Variants in VSIG10L2 observed in about 807,000 individuals in gnomAD.
VSIG10L2 encodes V-set and immunoglobulin domain-containing protein 10-like 2.
A neutral mutation model predicts 67.1 loss-of-function variants in VSIG10L2; 56 were observed. The ratio of observed to expected loss-of-function variants is 0.83; its 90% CI spans 0.67 to 1.04. The LOEUF (loss-of-function observed/expected upper bound fraction) is 1.04. Among genes scored for constraint, VSIG10L2 ranks in the 50% least tolerant of loss-of-function variants. The pLI is 0.00. For synonymous variants in VSIG10L2, 360 were observed against 396.6 expected, an observed-to-expected ratio of 0.91 and a Z score of 1.10; for missense variants, 843 against 932.8, an observed-to-expected ratio of 0.90 and a Z score of 1.25.
chr11:125,954,486 C>A (rs1591531528), intron 8 of VSIG10L2, 103 bp downstream of exon 8: 3 of 1,009,398 alleles, frequency 3.0e-6, no homozygotes, highest in East Asian at 6.5e-5. Context: ...CCTTTGCTCG[C>A]ATCCTACTGA....
At chr11:125,955,241 T>C in intron 9 of VSIG10L2, 62 bp downstream of exon 9, 2 of 1,308,144 alleles carry the variant, frequency 1.5e-6, no homozygotes, top group East Asian at 2.9e-5. Context: ...CCCTGACCTA[T>C]CCAAAGGAGA....
At position 125,950,263 on chromosome 11, in the gene VSIG10L2, A is replaced by G; in HGVS notation, c.959A>G (p.Gln320Arg). The G allele has an allele frequency of 2.4e-6, 3 of 1,232,472 alleles. No homozygotes were observed. The highest frequency in any genetic ancestry group is 3.2e-5 in the East Asian group (1 of 31,708). The allele number at this position is 1,232,472 out of a possible 1,614,324, so 76.3% of individuals were successfully genotyped here. The change falls in exon 4 of 12, where the codon CAG becomes CGG. Residue 320 changes from glutamine to arginine, a missense_variant. Gln to Arg is a conservative substitution (Grantham distance 43). Coordinates refer to ENST00000686984, the MANE Select transcript of VSIG10L2 (RefSeq NM_001365077.2). ...AACAGCTACCTGGACACCCGCACCC[A>G]GACTACTGTCCAGCTCACCATCTAC... ...ARNSYLDTRT[Q>R]TTVQLTIYYP...
Position 125,946,544 on chromosome 11 carries a change from CT to C in VSIG10L2, c.82+420del, listed in dbSNP as rs745417197. Among the ~76,000 whole-genome samples, 183 of 142,742 alleles carry C rather than the reference CT, an allele frequency of 1.3e-3. No homozygotes were observed. Among genetic ancestry groups the C allele is most frequent in the East Asian group, 3.9e-3 (19 of 4,878 alleles). The allele number at this position is 142,742 out of a possible 152,430, so 93.6% of individuals were successfully genotyped here. On this transcript the variant is annotated intron_variant, in intron 1 of 11. Coordinates refer to ENST00000686984, the MANE Select transcript of VSIG10L2 (RefSeq NM_001365077.2). The surrounding 1 kb of genome is among the most constrained non-coding windows in gnomAD (Gnocchi z 4.4). ...GGTTTCTGGGTTACATATTTTTATT[CT>C]TTTTTTTTTTTTGAGATGGAGTCTT...
chr11:125,953,267 C>A, intron 6 of VSIG10L2, 133 bp from the exon 7 acceptor site: 2 of 708,120 alleles, frequency 2.8e-6, no homozygotes, highest in Non-Finnish European at 3.9e-6. Context: ...AGAAGGCAGA[C>A]TGGCCCCAGA....
In VSIG10L2 at chr11:125,950,995, G is replaced by A. The variant is rs181412048; in HGVS notation, c.1071G>A (p.Pro357=). ...TCTGTGCCTGGCCTGGGGGGCTTCC[G>A]CCTGCCCAACTGCAGTGGGAAGGGC... is the stretch of plus-strand genomic sequence containing the variant. ...TLLCAWPGGL[P]PAQLQWEGPQ... is the part of the protein sequence containing the mutation. The change falls in exon 5 of 12, where the codon CCG becomes CCA. Residue 357 remains proline (P), a synonymous_variant. Transcript: ENST00000686984. The A allele has an allele frequency of 1.8e-4, 218 of 1,232,352 alleles. 1 individual carries two copies. Among genetic ancestry groups the A allele is most frequent in the Admixed American group, 1.7e-3 (41 of 23,724 alleles). The allele number at this position is 1,232,352 out of a possible 1,614,324, so 76.3% of individuals were successfully genotyped here.
At position 125,952,066 on chromosome 11, in the gene VSIG10L2, C is replaced by T; in HGVS notation, c.1488C>T (p.Leu496=). 6.5e-7 allele frequency: 1 copy of T among 1,533,748 alleles called. No homozygotes were observed. Among genetic ancestry groups the T allele is most frequent in the Non-Finnish European group, 8.7e-7 (1 of 1,145,212 alleles). Residue 496 remains leucine (L), a synonymous_variant, in exon 6 of 12, where the codon CTC becomes CTT. Transcript: ENST00000686984. ...LLRTPDPHCH[L]QLEAPQLDVA... ...GGACCCCTGACCCCCACTGCCACCT[C>T]CAGCTGGGTGAGTAGGGGCTAGCGA...
chr11:125,954,269 C>T lies in VSIG10L2; in HGVS notation c.1969C>T (p.Pro657Ser). The stretch of plus-strand genomic sequence containing the variant: ...GGAGACAGCAGCTAGTGACATCGAG[C>T]CAGAGAGCCGAGGACGGCGGCTGGG... ...AWETAASDIEPESRGRRLGGL... is the reference protein window; with the variant it reads ...AWETAASDIESESRGRRLGGL... Residue 657 changes from proline (P) to serine (S), a missense_variant, in exon 8 of 12, where the codon CCA (proline) becomes TCA (serine). Pro to Ser is a moderately conservative substitution (Grantham distance 74). Coordinates refer to ENST00000686984, the MANE Select transcript of VSIG10L2 (RefSeq NM_001365077.2). 8.1e-7 allele frequency: 1 copy of T among 1,232,220 alleles called. No individual in the cohort carries two copies. Among genetic ancestry groups the T allele is most frequent in the Non-Finnish European group, 1.0e-6 (1 of 988,052 alleles). 76.3% of individuals were successfully genotyped at this position (1,232,220 alleles called of 1,614,324 possible). A position where few individuals can be genotyped will look rare whatever the true frequency, so the allele number is the denominator to read the frequency against.
At chr11:125,955,770 A>T (rs760664781) in intron 11 of VSIG10L2, 47 bp from the exon 12 acceptor site, 1 of 1,000,954 alleles carries the variant, frequency 1.0e-6, no homozygotes, top group Non-Finnish European at 1.5e-6. Flanking sequence ...ACACTTGGAC[A>T]CTCCCAAAGC....
In VSIG10L2 at chr11:125,950,159, G is replaced by T. The variant is rs530343741; in HGVS notation, c.855G>T (p.Thr285=). The change falls in exon 4 of 12, where the codon ACG becomes ACT. Residue 285 remains threonine (T), a synonymous_variant. Transcript: ENST00000686984. Reference sequence around the variant, plus strand: ...ACTATGTGTGGCTCCGTGACCACACGCAAGTCCACACGGGGCCTACCTATG... The same window carrying T: ...ACTATGTGTGGCTCCGTGACCACACTCAAGTCCACACGGGGCCTACCTATG... The part of the protein sequence containing the change: ...PSHYVWLRDH[T]QVHTGPTYVI... 1.6e-6 allele frequency: 2 copies of T among 1,232,316 alleles called. No homozygotes were observed. The highest frequency in any genetic ancestry group is 6.3e-5 in the East Asian group (2 of 31,698). 76.3% of individuals were successfully genotyped at this position (1,232,316 alleles called of 1,614,324 possible). A position where few individuals can be genotyped will look rare whatever the true frequency, so the allele number is the denominator to read the frequency against.
Position 125,951,117 on chromosome 11 carries a change from A to T in VSIG10L2, c.1193A>T (p.His398Leu), listed in dbSNP as rs1945363063. 2 of 1,232,836 alleles carry T rather than the reference A, an allele frequency of 1.6e-6. No homozygotes were observed. Among genetic ancestry groups the T allele is most frequent in the South Asian group, 8.2e-5 (2 of 24,324 alleles). The allele number at this position is 1,232,836 out of a possible 1,614,324, so 76.4% of individuals were successfully genotyped here. Residue 398 changes from histidine (H) to leucine (L), a missense_variant, in exon 5 of 12, where the codon CAC becomes CTC. By Grantham distance (99) the His-to-Leu change is moderately conservative. Transcript: ENST00000686984. ...SGSVFTCTGQ[H>L]PALAPPALCT... is the part of the protein sequence containing the mutation. ...AGCGTCTTCACCTGCACTGGCCAGC[A>T]CCCAGCCCTGGCACCGCCTGCCCTC...
intron 4 of VSIG10L2, among the ~76,000 whole-genome samples, chr11:125,950,558 C>A (rs1945354425): frequency 6.6e-6 from 1 of 152,106 alleles, no homozygotes; most frequent in African/African-American, 2.4e-5. Flanking sequence ...TTCCCATGGC[C>A]CTGCGGACTG....
At chr11:125,947,467 G>A (rs1476014414) in intron 1 of VSIG10L2, 1 of 985,300 alleles carries the variant, frequency 1.0e-6, no homozygotes, top group Non-Finnish European at 1.2e-6. Context: ...TCTGACTTCA[G>A]TCAACCCCTC....
In VSIG10L2 at chr11:125,950,914, C is replaced by T; in HGVS notation, c.990C>T (p.Pro330=). 1 of 1,232,578 alleles carries T rather than the reference C, an allele frequency of 8.1e-7. No individual in the cohort carries two copies. The allele number at this position is 1,232,578 out of a possible 1,614,324, so 76.4% of individuals were successfully genotyped here. A position where few individuals can be genotyped will look rare whatever the true frequency, so the allele number is the denominator to read the frequency against. Residue 330 remains proline, a synonymous_variant, in exon 5 of 12, where the codon CCC becomes CCT. Transcript: ENST00000686984. ...QTTVQLTIYY[P]PEGQPSCAVH... is the part of the protein sequence containing the mutation. ...CTCACCCACTTCCCCATCCAGATCC[C>T]CCTGAGGGACAGCCCTCCTGTGCAG...
chr11:125,949,009 C>A (rs1156584492), intron 3 of VSIG10L2, among the ~76,000 whole-genome samples: 1 of 152,188 alleles, frequency 6.6e-6, no homozygotes. Context: ...GCCAGGGTGG[C>A]CTGGAGCTCG....
chr11:125,950,013 G>C lies in VSIG10L2; in HGVS notation c.710-1G>C. The C allele has an allele frequency of 1.6e-6, 2 of 1,232,398 alleles. No homozygotes were observed. Among genetic ancestry groups the C allele is most frequent in the Non-Finnish European group, 2.0e-6 (2 of 988,186 alleles). The allele number at this position is 1,232,398 out of a possible 1,614,324, so 76.3% of individuals were successfully genotyped here. A position where few individuals can be genotyped will look rare whatever the true frequency, so the allele number is the denominator to read the frequency against. The stretch of plus-strand genomic sequence containing the variant: ...TGTAACTGGCCTTCCTTGCTCTCCA[G>C]ATGGTCCTGACAAGCCTGTGATCAC... On this transcript the variant is annotated splice_acceptor_variant, in intron 3 of 11. Coordinates refer to ENST00000686984, the MANE Select transcript of VSIG10L2 (RefSeq NM_001365077.2). LOFTEE classifies it high-confidence loss of function.
chr11:125,953,987 CA>C, intron 7 of VSIG10L2, 99 bp from the exon 8 acceptor site: 1 of 1,045,264 alleles, frequency 9.6e-7, no homozygotes, highest in Non-Finnish European at 1.2e-6. Context: ...GTGCCTTGTC[CA>C]CACTGCCAGG....
chr11:125,947,538 A>G (rs1402888925), intron 1 of VSIG10L2, 148 bp from the exon 2 acceptor site: 1 of 1,230,270 alleles, frequency 8.1e-7, no homozygotes. Flanking sequence ...TTGCCCACCA[A>G]CTCCAGAAGT....
rs1945466704 is a variant in VSIG10L2 at position 125,956,026 on chromosome 11, C to A, written c.*112C>A. 4.5e-6 allele frequency: 3 copies of A among 665,492 alleles called. No homozygotes were observed. In the Admixed American group the frequency reaches 6.7e-5, roughly 15 times the overall value. The allele number at this position is 665,492 out of a possible 1,614,324, so 41.2% of individuals were successfully genotyped here. A position where few individuals can be genotyped will look rare whatever the true frequency, so the allele number is the denominator to read the frequency against. ...AACGTAGCTAAGACACCAACTACCACTTTCACTTAATACCCAGTCTTCACA... is the reference window on the plus strand; with the variant it reads ...AACGTAGCTAAGACACCAACTACCAATTTCACTTAATACCCAGTCTTCACA... On this transcript the variant is annotated 3_prime_UTR_variant, in exon 12 of 12. Transcript: ENST00000686984.
At chr11:125,948,109 C>T (rs1945320211) in intron 2 of VSIG10L2, 73 bp downstream of exon 2, 2 of 1,232,004 alleles carry the variant, frequency 1.6e-6, no homozygotes, top group African/African-American at 3.1e-5. Flanking sequence ...CTGCCCATTC[C>T]CTTTGTGTGT....
Sources: gnomAD v4.1 joint callset for allele counts (sites outside exome capture counted in the v4.1 genomes callset) on GRCh38, gnomAD v4.1.1 for gene constraint, Gnocchi (gnomAD v3.1) non-coding constraint, MANE v1.5 for transcripts, NCBI Gene and HGNC (gene_info 2026-07-23, HGNC 2026-07-21) for gene names.